COL8A2: variants seen among roughly 807,000 people sequenced by gnomAD.
COL8A2 encodes collagen alpha-2(VIII) chain.
In COL8A2, 16 loss-of-function variants were observed where a neutral mutation model predicts 24.0. The ratio of observed to expected loss-of-function variants is 0.67; its 90% CI spans 0.45 to 1.01. The LOEUF (loss-of-function observed/expected upper bound fraction) is 1.01, where lower values mean the gene tolerates loss of function less well. COL8A2 is among the 50% of genes least tolerant of loss of function. COL8A2 has a pLI of 0.00. For synonymous variants in COL8A2, 466 were observed against 424.5 expected, an observed-to-expected ratio of 1.10 and a Z score of -1.20; for missense variants, 818 against 942.4, an observed-to-expected ratio of 0.87 and a Z score of 1.73.
intron 2 of COL8A2, among the ~76,000 whole-genome samples, chr1:36,103,418 G>T (rs937099726): frequency 3.3e-5 from 5 of 152,024 alleles, no homozygotes; most frequent in Non-Finnish European, 7.4e-5. Context: ...GACTACAGGC[G>T]CCCGCCAACA....
intron 1 of COL8A2, among the ~76,000 whole-genome samples, chr1:36,116,864 G>A (rs1020100216): frequency 6.6e-6 from 1 of 152,214 alleles, no homozygotes; most frequent in African/African-American, 2.4e-5. Flanking sequence ...AGTGGGGGAA[G>A]TGATGTGGTC....
chr1:36,118,316 G>A (rs1225520624), intron 1 of COL8A2, among the ~76,000 whole-genome samples: 2 of 152,176 alleles, frequency 1.3e-5, no homozygotes, highest in Non-Finnish European at 2.9e-5. Context: ...GCTCCCTGAA[G>A]ACCTCAGCCA....
At chr1:36,113,614 G>A (rs4653159) in intron 2 of COL8A2, among the ~76,000 whole-genome samples, 124,123 of 152,256 alleles carry the variant, frequency 0.82, 50,755 homozygotes, top group Admixed American at 0.84. Flanking sequence ...AAGCCAAAGA[G>A]GAGCTCAGAA....
rs1643546315 is a variant in COL8A2 at position 36,095,407 on chromosome 1, G to A, written c.*2162C>T. On this transcript the variant is annotated 3_prime_UTR_variant, in exon 4 of 4. Transcript: ENST00000397799. ...TAGAGAGCTAAGCTTCCTATACCAA[G>A]TTAGAAGTGAAATGACTAGTGGAAA... 1 of 151,974 alleles carries A rather than the reference G, an allele frequency of 6.6e-6. No homozygotes were observed. Among genetic ancestry groups the A allele is most frequent in the Non-Finnish European group, 1.5e-5 (1 of 68,016 alleles). The allele number at this position is 151,974 out of a possible 1,614,324, so 9.4% of individuals were successfully genotyped here. A position where few individuals can be genotyped will look rare whatever the true frequency, so the allele number is the denominator to read the frequency against.
At chr1:36,111,517 C>T (rs1643840209) in intron 2 of COL8A2, among the ~76,000 whole-genome samples, 1 of 151,634 alleles carries the variant, frequency 6.6e-6, no homozygotes, top group Admixed American at 6.6e-5. Flanking sequence ...CGAGGACTCC[C>T]ACATCTGTCT....
intron 2 of COL8A2, among the ~76,000 whole-genome samples, chr1:36,110,267 TAA>T (rs35039453): frequency 1.9e-4 from 26 of 137,800 alleles, no homozygotes; most frequent in African/African-American, 3.0e-4. Context: ...TGCTCTCATT[TAA>T]AAAAAAAAAA....
rs1356300718 is a variant in COL8A2 at position 36,097,618 on chromosome 1, G to A, written c.2063C>T (p.Thr688Met). The A allele has an allele frequency of 6.2e-6, 10 of 1,613,168 alleles. No homozygotes were observed. Among genetic ancestry groups the A allele is most frequent in the Middle Eastern group, 1.7e-4 (1 of 6,026 alleles). ...TGAAAAGGAGGAGTGGATGTACTCCGTGGAGTAGAGGCCGTTGGCCTGGTC... is the reference window on the plus strand; with the variant it reads ...TGAAAAGGAGGAGTGGATGTACTCCATGGAGTAGAGGCCGTTGGCCTGGTC... ...PSDQANGLYS[T>M]EYIHSSFSGF... Residue 688 changes from threonine (T) to methionine (M), a missense_variant, in exon 4 of 4, where the codon ACG becomes ATG. This residue lies in a region of COL8A2 where 235 missense variants were observed against 297.3 expected (regional missense o/e 0.79). Transcript: ENST00000397799.
At chr1:36,112,739 C>A (rs534944053) in intron 2 of COL8A2, among the ~76,000 whole-genome samples, 49 of 152,234 alleles carry the variant, frequency 3.2e-4, no homozygotes, top group Admixed American at 1.4e-3. Flanking sequence ...GAGACTCCCA[C>A]AATGCTTCTA....
chr1:36,111,862 G>T (rs1457228168), intron 2 of COL8A2, among the ~76,000 whole-genome samples: 3 of 151,900 alleles, frequency 2.0e-5, no homozygotes, highest in Non-Finnish European at 2.9e-5. Context: ...ATGTCCCCTG[G>T]CTGTCCCTCA....
chr1:36,098,678 G>A lies in COL8A2; in HGVS notation c.1003C>T (p.Leu335Phe), dbSNP rs1169373898. 2.5e-6 allele frequency: 4 copies of A among 1,609,564 alleles called. No homozygotes were observed. The East Asian group carries it at 6.7e-5, about 27-fold the overall frequency. ...GDRGPAGVPGLLGDRGEPGED... is the reference protein window; with the variant it reads ...GDRGPAGVPGFLGDRGEPGED... ...CCTGGCTCACCCCTGTCCCCCAAGA[G>A]TCCTGGGACCCCAGCTGGGCCCCTG... The change falls in exon 4 of 4, where the codon CTC becomes TTC. Residue 335 changes from leucine (L) to phenylalanine (F), a missense_variant. By Grantham distance (22) the Leu-to-Phe change is conservative (BLOSUM62 0). Coordinates refer to ENST00000397799, the MANE Select transcript of COL8A2 (RefSeq NM_005202.4).
chr1:36,119,727 A>G (rs1162761772), intron 1 of COL8A2, among the ~76,000 whole-genome samples: 1 of 152,214 alleles, frequency 6.6e-6, no homozygotes, highest in Non-Finnish European at 1.5e-5. Flanking sequence ...AGAAAGGAGA[A>G]CTTCCGGGTG....
rs1643931138 is a variant in COL8A2, at chr1:36,123,706, G to A, written c.-62+1351C>T. Among the ~76,000 whole-genome samples, 2 of 152,190 alleles carry A rather than the reference G, an allele frequency of 1.3e-5. No homozygotes were observed. The highest frequency in any genetic ancestry group is 2.9e-5 in the Non-Finnish European group (2 of 68,038). ...AGGAGGGTGTCCGCATGAATCTAATGAATGTTTGGGTCGGTGTGTGACTGT... is the reference window on the plus strand; with the variant it reads ...AGGAGGGTGTCCGCATGAATCTAATAAATGTTTGGGTCGGTGTGTGACTGT... On this transcript the variant is annotated intron_variant, in intron 1 of 3. Coordinates refer to ENST00000397799, the MANE Select transcript of COL8A2 (RefSeq NM_005202.4). This position sits in a 1 kb window ranked among gnomAD's most constrained non-coding sequence, Gnocchi z 4.1.
intron 1 of COL8A2, among the ~76,000 whole-genome samples, chr1:36,117,013 T>A (rs1181407223): frequency 1.3e-5 from 2 of 151,658 alleles, no homozygotes; most frequent in Non-Finnish European, 2.9e-5. Flanking sequence ...GACTCCGGGG[T>A]AGATGGGGAG....
rs1295740112 is a variant in COL8A2, at chr1:36,123,350, G to A, written c.-62+1707C>T. ...GTCCTTTGTTCCGGCTCAGGCAGGA[G>A]CAGAGAAGGTAGTGGAGTACAGGGG... On this transcript the variant is annotated intron_variant, in intron 1 of 3. Coordinates refer to ENST00000397799, the MANE Select transcript of COL8A2 (RefSeq NM_005202.4). The surrounding 1 kb of genome is among the most constrained non-coding windows in gnomAD (Gnocchi z 4.1). 6.6e-6 allele frequency among the ~76,000 whole-genome samples: 1 copy of A among 152,250 alleles called. No individual in the cohort carries two copies. Among genetic ancestry groups the A allele is most frequent in the African/African-American group, 2.4e-5 (1 of 41,464 alleles).
chr1:36,106,902 G>A (rs1228931453), intron 2 of COL8A2, among the ~76,000 whole-genome samples: 1 of 152,216 alleles, frequency 6.6e-6, no homozygotes, highest in African/African-American at 2.4e-5. Context: ...GGTCAGGTCT[G>A]ATGCCAGGAC....
rs560973697 is a variant in COL8A2 at position 36,111,553 on chromosome 1, A to T, written c.-17+4155T>A. 1.0e-3 allele frequency among the ~76,000 whole-genome samples: 153 copies of T among 146,980 alleles called. 4 individuals are homozygous for T. In the East Asian group the frequency reaches 0.024, roughly 23 times the overall value. On this transcript the variant is annotated intron_variant, in intron 2 of 3. Coordinates refer to ENST00000397799, the MANE Select transcript of COL8A2 (RefSeq NM_005202.4). ...CCAACTACGATGTCTCCCCTGAGCC[A>T]TTTTTTTTTTTTTTGAGACAGTCTG... is the stretch of plus-strand genomic sequence containing the variant.
Position 36,098,829 on chromosome 1 carries a change from C to T in COL8A2, c.852G>A (p.Gly284=). The part of the protein sequence containing the change: ...PPGVDGVGVP[G]AAGLPGPQGP... ...CCTGTGGTCCTGGCAACCCTGCTGC[C>T]CCTGGGACTCCCACACCGTCTACTC... The change falls in exon 4 of 4, where the codon GGG becomes GGA. Residue 284 remains glycine, a synonymous_variant. Transcript: ENST00000397799. 2.5e-6 allele frequency: 4 copies of T among 1,612,324 alleles called. No homozygotes were observed. Among genetic ancestry groups the T allele is most frequent in the African/African-American group, 2.7e-5 (2 of 74,930 alleles).
intron 2 of COL8A2, among the ~76,000 whole-genome samples, chr1:36,109,279 C>CCTTGCTCTCTGCGCT (rs1553178418): frequency 6.6e-6 from 1 of 152,224 alleles, no homozygotes; most frequent in East Asian, 1.9e-4. Context: ...TGCTCCCCAG[C>CCTTGCTCTCTGCGCT]CTTGCTCTCT....
intron 1 of COL8A2, among the ~76,000 whole-genome samples, chr1:36,121,495 C>A (rs1053425299): frequency 6.8e-6 from 1 of 147,618 alleles, no homozygotes; most frequent in Admixed American, 6.8e-5. Flanking sequence ...CCAAGGCGGG[C>A]GGATCACCTG....
Sources: gnomAD v4.1 joint callset for allele counts (sites outside exome capture counted in the v4.1 genomes callset) on GRCh38, gnomAD v4.1.1 for gene constraint, gnomAD v4.1.1 regional missense constraint, Gnocchi (gnomAD v3.1) non-coding constraint, MANE v1.5 for transcripts, NCBI Gene and HGNC (gene_info 2026-07-23, HGNC 2026-07-21) for gene names.